Variants in KCNK13 observed in about 807,000 individuals in gnomAD.
KCNK13 encodes potassium channel subfamily K member 13.
Under a neutral mutation model 23.4 loss-of-function variants are expected in KCNK13, and 12 were observed. The ratio of observed to expected loss-of-function variants is 0.51; its 90% CI spans 0.33 to 0.83. The LOEUF is 0.83. Ranked by LOEUF, KCNK13 falls within the 40% of genes least tolerant of loss-of-function variation. The probability of loss-of-function intolerance (pLI) is 0.02; values close to 1 mark genes in which losing one functional copy is unlikely to be tolerated. For missense variants in KCNK13, 463 were observed against 556.3 expected, an observed-to-expected ratio of 0.83 and a Z score of 1.69; for synonymous variants, 231 against 229.5, an observed-to-expected ratio of 1.01 and a Z score of -0.06.
intron 1 of KCNK13, among the ~76,000 whole-genome samples, chr14:90,136,629 T>C (rs143349656): frequency 1.3e-5 from 2 of 152,226 alleles, no homozygotes; most frequent in African/African-American, 4.8e-5. Flanking sequence ...TGTAGTAAAA[T>C]AGTTATTTAC....
At chr14:90,183,153 G>A (rs1017889874) in intron 1 of KCNK13, among the ~76,000 whole-genome samples, 4 of 152,130 alleles carry the variant, frequency 2.6e-5, no homozygotes, top group African/African-American at 9.7e-5. Flanking sequence ...TGTGTGCACA[G>A]GTAGAAAGGT....
intron 1 of KCNK13, among the ~76,000 whole-genome samples, chr14:90,182,439 C>T (rs556175740): frequency 6.6e-6 from 1 of 152,190 alleles, no homozygotes; most frequent in East Asian, 1.9e-4. Flanking sequence ...AGCTTGGTGA[C>T]AAGTGGGGTA....
intron 1 of KCNK13, among the ~76,000 whole-genome samples, chr14:90,163,793 G>A (rs1396677928): frequency 2.2e-4 from 33 of 152,126 alleles, no homozygotes; most frequent in East Asian, 5.8e-4. Flanking sequence ...GGGTTCAAGC[G>A]ATTCTCCTCC....
intron 1 of KCNK13, among the ~76,000 whole-genome samples, chr14:90,138,385 C>T (rs1167047649): frequency 2.0e-5 from 3 of 152,178 alleles, no homozygotes; most frequent in Non-Finnish European, 4.4e-5. Context: ...ATATTACTTA[C>T]AGAATTCTGT....
rs532228187 is a variant in KCNK13, at chr14:90,121,758, C to A, written c.334+59219C>A. Among the ~76,000 whole-genome samples the A allele has an allele frequency of 5.3e-4, 80 of 152,186 alleles. 2 individuals carry two copies. The highest frequency in any genetic ancestry group is 1.9e-3 in the African/African-American group (78 of 41,536). On this transcript the variant is annotated intron_variant, in intron 1 of 1. Transcript: ENST00000282146. ...TTTTTTTGAGACAGTCTCGCTCTGT[C>A]GCCAAGGCTGGAGTACAGTGGCACA... is the stretch of plus-strand genomic sequence containing the variant.
At chr14:90,107,912 A>T (rs1386597088) in intron 1 of KCNK13, 1 of 758,866 alleles carries the variant, frequency 1.3e-6, no homozygotes, top group Non-Finnish European at 2.4e-6. Flanking sequence ...TAAAGATTGT[A>T]TAGGCAGATG....
intron 1 of KCNK13, among the ~76,000 whole-genome samples, chr14:90,120,706 T>C (rs549386158): frequency 1.3e-5 from 2 of 152,108 alleles, no homozygotes; most frequent in Admixed American, 1.3e-4. Flanking sequence ...TACGATGAGA[T>C]TTGGGTGGGG....
chr14:90,062,595 G>C lies in KCNK13; in HGVS notation c.334+56G>C. ...CTCCGGGCGGCCTCCACTTCCTCCGGGGGGCAGGACCGACCCTCTCATCCT... is the reference window on the plus strand; with the variant it reads ...CTCCGGGCGGCCTCCACTTCCTCCGCGGGGCAGGACCGACCCTCTCATCCT... On this transcript the variant is annotated intron_variant, in intron 1 of 1. Transcript: ENST00000282146. This position sits in a 1 kb window ranked among gnomAD's most constrained non-coding sequence, Gnocchi z 4.5. 1.5e-6 allele frequency: 2 copies of C among 1,334,334 alleles called. No individual in the cohort carries two copies. The highest frequency in any genetic ancestry group is 2.0e-6 in the Non-Finnish European group (2 of 1,000,942). The allele number at this position is 1,334,334 out of a possible 1,614,324, so 82.7% of individuals were successfully genotyped here. A position where few individuals can be genotyped will look rare whatever the true frequency, so the allele number is the denominator to read the frequency against.
intron 1 of KCNK13, among the ~76,000 whole-genome samples, chr14:90,067,469 G>A (rs564511246): frequency 1.2e-4 from 19 of 152,100 alleles, no homozygotes; most frequent in Non-Finnish European, 2.5e-4. Context: ...GCCAGAAGTG[G>A]GAGTTATTGT....
intron 1 of KCNK13, among the ~76,000 whole-genome samples, chr14:90,120,651 C>T (rs1255460139): frequency 6.6e-6 from 1 of 152,174 alleles, no homozygotes; most frequent in Non-Finnish European, 1.5e-5. Context: ...CATTTACCTC[C>T]CACTGGGTCC....
At chr14:90,143,146 ACTTTCTTTCTTTCTTT>A (rs577709163) in intron 1 of KCNK13, among the ~76,000 whole-genome samples, 1 of 115,752 alleles carries the variant, frequency 8.6e-6, no homozygotes, top group African/African-American at 3.1e-5. Context: ...AAGAGCAGAA[ACTTTCTTTCTTTCTTT>A]CTTTCTTTCT....
At chr14:90,112,953 G>A (rs561996261) in intron 1 of KCNK13, among the ~76,000 whole-genome samples, 379 of 146,836 alleles carry the variant, frequency 2.6e-3, no homozygotes, top group Non-Finnish European at 4.6e-3. Flanking sequence ...TTGCTCTGTC[G>A]CCCAGGGTGG....
In KCNK13 at chr14:90,170,434, C is replaced by T. The variant is rs538580181; in HGVS notation, c.335-13677C>T. On this transcript the variant is annotated intron_variant, in intron 1 of 1. Transcript: ENST00000282146. Reference sequence around the variant, plus strand: ...TCTCTGTGTTGGCCAGGCTGGTCTCCAACTCCTGACCTCAGGTGATCCACC... The same window carrying T: ...TCTCTGTGTTGGCCAGGCTGGTCTCTAACTCCTGACCTCAGGTGATCCACC... Among the ~76,000 whole-genome samples, 4 of 152,226 alleles carry T rather than the reference C, an allele frequency of 2.6e-5. No individual in the cohort carries two copies. In the South Asian group the frequency reaches 8.3e-4, roughly 32 times the overall value.
intron 1 of KCNK13, among the ~76,000 whole-genome samples, chr14:90,179,225 TG>T (rs1890458241): frequency 6.6e-6 from 1 of 152,106 alleles, no homozygotes; most frequent in Non-Finnish European, 1.5e-5. Context: ...GGGAGAAGCA[TG>T]GTTGACAGAA....
At position 90,108,437 on chromosome 14, in the gene KCNK13, A is replaced by T. The variant is rs575799073; in HGVS notation, c.334+45898A>T. ...ATCATTTTTCCTCTTGACTTTGTGG[A>T]GTTGGTGTTATGAAATCAGTGGGTA... On this transcript the variant is annotated intron_variant, in intron 1 of 1. Transcript: ENST00000282146. 2.6e-5 allele frequency among the ~76,000 whole-genome samples: 4 copies of T among 152,096 alleles called. No individual in the cohort carries two copies. The South Asian group carries it at 8.3e-4, about 32-fold the overall frequency.
At chr14:90,063,901 T>C (rs1888976539) in intron 1 of KCNK13, among the ~76,000 whole-genome samples, 3 of 152,166 alleles carry the variant, frequency 2.0e-5, no homozygotes. Flanking sequence ...GTATCTGAAG[T>C]GCCTGGCTCC....
chr14:90,135,374 G>A (rs1889923234), intron 1 of KCNK13, among the ~76,000 whole-genome samples: 1 of 152,230 alleles, frequency 6.6e-6, no homozygotes. Flanking sequence ...AGGACCAAGG[G>A]AAGGGAGGTG....
intron 1 of KCNK13, among the ~76,000 whole-genome samples, chr14:90,173,019 T>C (rs999972027): frequency 1.3e-5 from 2 of 152,170 alleles, no homozygotes; most frequent in Admixed American, 1.3e-4. Flanking sequence ...TATTTCTATG[T>C]CACCTAGAAA....
intron 1 of KCNK13, among the ~76,000 whole-genome samples, chr14:90,143,944 A>T (rs962227378): frequency 1.3e-5 from 2 of 152,240 alleles, no homozygotes; most frequent in Non-Finnish European, 2.9e-5. Context: ...GTACTAAGTT[A>T]GGTTGCAGTT....
Sources: gnomAD v4.1 joint callset for allele counts (sites outside exome capture counted in the v4.1 genomes callset) on GRCh38, gnomAD v4.1.1 for gene constraint, Gnocchi (gnomAD v3.1) non-coding constraint, MANE v1.5 for transcripts, NCBI Gene and HGNC (gene_info 2026-07-23, HGNC 2026-07-21) for gene names.